CADM2: variants seen among roughly 807,000 people sequenced by gnomAD.
CADM2 encodes cell adhesion molecule 2.
In CADM2, 12 loss-of-function variants were observed where a neutral mutation model predicts 49.8. The ratio of observed to expected loss-of-function variants is 0.24; its 90% confidence interval spans 0.15 to 0.39. The LOEUF is 0.39. CADM2 is among the 10% of genes least tolerant of loss of function. The pLI, the probability that CADM2 is intolerant of heterozygous loss-of-function variation, is 1.00. For synonymous variants in CADM2, 214 were observed against 175.4 expected (o/e 1.22, Z -1.74); for missense variants, 378 against 492.3 (o/e 0.77, Z 2.20).
intron 1 of CADM2, among the ~76,000 whole-genome samples, chr3:85,635,541 T>C (rs1275848984): frequency 6.6e-6 from 1 of 152,170 alleles, no homozygotes; most frequent in Admixed American, 6.6e-5. Context: ...ATTTTGCATG[T>C]TCAAATATTA....
intron 3 of CADM2, among the ~76,000 whole-genome samples, chr3:85,810,230 C>G (rs146889331): frequency 6.6e-6 from 1 of 152,084 alleles, no homozygotes; most frequent in Non-Finnish European, 1.5e-5. Flanking sequence ...TCTCTTTTCT[C>G]CCAACCTCTG....
intron 1 of CADM2, among the ~76,000 whole-genome samples, chr3:85,607,887 C>T (rs2063576831): frequency 6.6e-6 from 1 of 151,998 alleles, no homozygotes; most frequent in African/African-American, 2.4e-5. Context: ...AAACTCCTGA[C>T]CTCGTGATCT....
chr3:85,838,805 G>A (rs2074513942), intron 3 of CADM2, among the ~76,000 whole-genome samples: 2 of 151,646 alleles, frequency 1.3e-5, no homozygotes, highest in South Asian at 2.1e-4. Flanking sequence ...AATAGAATGG[G>A]GAGGGAATTA....
chr3:85,516,612 C>T (rs749470750), intron 1 of CADM2, among the ~76,000 whole-genome samples: 7 of 151,824 alleles, frequency 4.6e-5, no homozygotes, highest in Non-Finnish European at 8.8e-5. Context: ...TTAGTGTAGC[C>T]TTTTTTCCCC....
intron 8 of CADM2, among the ~76,000 whole-genome samples, chr3:86,023,145 G>T (rs1346778853): frequency 6.6e-6 from 1 of 151,012 alleles, no homozygotes; most frequent in Non-Finnish European, 1.5e-5. Flanking sequence ...TATCAAAAAT[G>T]CAATGTGCTA....
intron 1 of CADM2, among the ~76,000 whole-genome samples, chr3:85,280,798 T>A (rs1295117864): frequency 6.6e-6 from 1 of 151,804 alleles, no homozygotes; most frequent in Non-Finnish European, 1.5e-5. Context: ...AAACAGTAAT[T>A]TTTAGTATAA....
intron 1 of CADM2, among the ~76,000 whole-genome samples, chr3:85,669,872 G>A (rs1233413070): frequency 6.6e-6 from 1 of 151,892 alleles, no homozygotes; most frequent in Non-Finnish European, 1.5e-5. Context: ...TTTTATTGTT[G>A]TCGTTGTCGT....
chr3:85,139,203 A>G (rs1479295046), intron 1 of CADM2, among the ~76,000 whole-genome samples: 1 of 152,200 alleles, frequency 6.6e-6, no homozygotes, highest in Non-Finnish European at 1.5e-5. Flanking sequence ...GGAGCAATGC[A>G]TGAAGTGACT....
intron 1 of CADM2, among the ~76,000 whole-genome samples, chr3:85,266,719 G>C (rs964133152): frequency 6.6e-6 from 1 of 151,734 alleles, no homozygotes; most frequent in African/African-American, 2.4e-5. Flanking sequence ...TGTGCTTAAT[G>C]ATCTATTTTC....
chr3:85,046,193 G>A (rs895007079), intron 1 of CADM2, among the ~76,000 whole-genome samples: 4 of 152,004 alleles, frequency 2.6e-5, no homozygotes, highest in African/African-American at 9.7e-5. Context: ...GGCCTCTGGT[G>A]ATGATTTGTT....
Position 85,640,506 on chromosome 3 carries a change from G to A in CADM2, c.62-86016G>A, listed in dbSNP as rs150047186. ...ACGTATTCACCAGGGTTGGAGAGGT[G>A]GAGTTAGTATTCCATGCATCAGTAT... On this transcript the variant is annotated intron_variant, in intron 1 of 9. Coordinates refer to ENST00000383699, the MANE Select transcript of CADM2 (RefSeq NM_001167675.2). Among the ~76,000 whole-genome samples the A allele has an allele frequency of 3.1e-3, 472 of 152,264 alleles. 1 individual carries two copies. Among genetic ancestry groups the A allele is most frequent in the African/African-American group, 0.01 (417 of 41,534 alleles).
At chr3:85,642,851 A>G (rs1227022316) in intron 1 of CADM2, among the ~76,000 whole-genome samples, 1 of 152,222 alleles carries the variant, frequency 6.6e-6, no homozygotes, top group African/African-American at 2.4e-5. Flanking sequence ...ATTTAAATAT[A>G]GTATTTGGGA....
intron 1 of CADM2, among the ~76,000 whole-genome samples, chr3:85,437,781 T>A (rs1025531): frequency 0.25 from 37,927 of 151,866 alleles, 4,912 homozygotes; most frequent in South Asian, 0.34. Context: ...CATTTATTGT[T>A]CCTTTTTTCT....
chr3:85,106,224 A>T (rs920314048), intron 1 of CADM2, among the ~76,000 whole-genome samples: 3 of 152,164 alleles, frequency 2.0e-5, no homozygotes, highest in African/African-American at 7.2e-5. Context: ...GAACATTATG[A>T]AGGTTGCATT....
intron 1 of CADM2, among the ~76,000 whole-genome samples, chr3:85,174,291 C>T (rs939464495): frequency 2.0e-5 from 3 of 152,062 alleles, no homozygotes; most frequent in South Asian, 2.1e-4. Context: ...TGTAAGAAAG[C>T]GAAAAGCACA....
intron 3 of CADM2, among the ~76,000 whole-genome samples, chr3:85,860,399 G>A (rs2075480942): frequency 6.6e-6 from 1 of 151,364 alleles, no homozygotes; most frequent in Non-Finnish European, 1.5e-5. Flanking sequence ...TATATGGAGG[G>A]AAAAAAAACA....
At chr3:85,025,328 G>A (rs2034679136) in intron 1 of CADM2, among the ~76,000 whole-genome samples, 1 of 152,100 alleles carries the variant, frequency 6.6e-6, no homozygotes, top group African/African-American at 2.4e-5. Context: ...GTCAAGAAAT[G>A]TGCTGATTCT....
At chr3:85,155,504 C>G (rs1055548932) in intron 1 of CADM2, among the ~76,000 whole-genome samples, 2 of 152,016 alleles carry the variant, frequency 1.3e-5, no homozygotes, top group African/African-American at 4.8e-5. Context: ...GACTTTAACA[C>G]CCCACTGTCA....
At chr3:85,192,683 T>C (rs2041236717) in intron 1 of CADM2, among the ~76,000 whole-genome samples, 1 of 150,842 alleles carries the variant, frequency 6.6e-6, no homozygotes, top group African/African-American at 2.4e-5. Flanking sequence ...ATGGGAAAAA[T>C]TGGAAAGATT....
Sources: allele counts gnomAD v4.1 joint callset (sites outside exome capture counted in the v4.1 genomes callset), GRCh38; gene constraint gnomAD v4.1.1; transcripts MANE v1.5; gene names NCBI Gene and HGNC (gene_info 2026-07-23, HGNC 2026-07-21).